The following CLDN1 variants were observed in gnomAD, a reference collection of about 807,000 sequenced individuals.
CLDN1 encodes claudin-1.
A neutral mutation model predicts 22.6 loss-of-function variants in CLDN1; 12 were observed. That is an observed-to-expected ratio of 0.53 (90% CI 0.34 to 0.86). The LOEUF is 0.86. CLDN1 is among the 40% of genes least tolerant of loss of function. The pLI is 0.02. For missense variants in CLDN1, 250 were observed against 269.5 expected, an observed-to-expected ratio of 0.93 and a Z score of 0.51; for synonymous variants, 99 against 103.8, an observed-to-expected ratio of 0.95 and a Z score of 0.28.
chr3:190,312,082 C>T (rs1248805044), intron 2 of CLDN1, among the ~76,000 whole-genome samples: 2 of 151,666 alleles, frequency 1.3e-5, no homozygotes, highest in Non-Finnish European at 1.5e-5. Flanking sequence ...AGGCGTGCAC[C>T]ACCACACCCA....
chr3:190,316,964 A>G (rs1490941849), intron 1 of CLDN1, among the ~76,000 whole-genome samples: 6 of 152,134 alleles, frequency 3.9e-5, no homozygotes, highest in Non-Finnish European at 7.4e-5. Flanking sequence ...CTTTTTGCTT[A>G]TTTTGATCTA....
At position 190,322,065 on chromosome 3, in the gene CLDN1, C is replaced by G. The variant is rs1560077292; in HGVS notation, c.142G>C (p.Glu48Gln). 2 of 1,614,106 alleles carry G rather than the reference C, an allele frequency of 1.2e-6. No homozygotes were observed. Among genetic ancestry groups the G allele is most frequent in the Admixed American group, 1.7e-5 (1 of 60,006 alleles). The change falls in exon 1 of 4, where the codon GAG (glutamate) becomes CAG (glutamine). Residue 48 changes from glutamate to glutamine, a missense_variant. By Grantham distance (29) the Glu-to-Gln change is conservative (BLOSUM62 2). Transcript: ENST00000295522. ...GACACGCAGGACATCCACAGCCCCT[C>G]GTACATGGCCTGGGCGGTCACGATG... ...DNIVTAQAMY[E>Q]GLWMSCVSQS...
chr3:190,314,653 C>G (rs1716717156), intron 1 of CLDN1, among the ~76,000 whole-genome samples: 1 of 152,030 alleles, frequency 6.6e-6, no homozygotes, highest in Non-Finnish European at 1.5e-5. Context: ...GTCTGCCCAC[C>G]TCGGCCTCCC....
chr3:190,317,195 T>G (rs1716792641), intron 1 of CLDN1, among the ~76,000 whole-genome samples: 1 of 152,184 alleles, frequency 6.6e-6, no homozygotes, highest in Non-Finnish European at 1.5e-5. Flanking sequence ...TCTCACCTCT[T>G]AAATTTGCAG....
At chr3:190,313,822 T>G (rs2108609725) in intron 1 of CLDN1, among the ~76,000 whole-genome samples, 1 of 152,328 alleles carries the variant, frequency 6.6e-6, no homozygotes, top group Non-Finnish European at 1.5e-5. Context: ...TTTGGTGTAC[T>G]AACTCATGAT....
intron 2 of CLDN1, among the ~76,000 whole-genome samples, chr3:190,310,725 G>A (rs956429490): frequency 1.3e-5 from 2 of 152,152 alleles, no homozygotes; most frequent in African/African-American, 4.8e-5. Context: ...TAGATAGAGT[G>A]AGATCAGGAC....
At position 190,308,249 on chromosome 3, in the gene CLDN1, A is replaced by T; in HGVS notation, c.*28T>A. The T allele has an allele frequency of 6.2e-7, 1 of 1,613,234 alleles. No individual in the cohort carries two copies. The highest frequency in any genetic ancestry group is 8.5e-7 in the Non-Finnish European group (1 of 1,179,376). ...TCAATGTCCATTTTCGGTTTGTTTC[A>T]ACATGATTTTCTCCTTTTGCCTCTG... On this transcript the variant is annotated 3_prime_UTR_variant, in exon 4 of 4. Coordinates refer to ENST00000295522, the MANE Select transcript of CLDN1 (RefSeq NM_021101.5).
At chr3:190,310,695 T>A (rs530135009) in intron 2 of CLDN1, among the ~76,000 whole-genome samples, 1 of 152,144 alleles carries the variant, frequency 6.6e-6, no homozygotes, top group Non-Finnish European at 1.5e-5. Context: ...TTCTGCAGAG[T>A]CAAAAGGAAT....
chr3:190,313,172 G>T, intron 1 of CLDN1, 136 bp from the exon 2 acceptor site: 1 of 943,560 alleles, frequency 1.1e-6, no homozygotes, highest in Non-Finnish European at 1.6e-6. Flanking sequence ...CAGTCATACT[G>T]ATGTTTCCGC....
At chr3:190,311,081 T>C (rs1038200898) in intron 2 of CLDN1, among the ~76,000 whole-genome samples, 2 of 152,198 alleles carry the variant, frequency 1.3e-5, no homozygotes, top group African/African-American at 2.4e-5. Context: ...TCCAATGTAA[T>C]TGCCTCTAGA....
Position 190,312,885 on chromosome 3 carries a change from T to C in CLDN1, c.375A>G (p.Ile125Met). 6.2e-7 allele frequency: 1 copy of C among 1,614,048 alleles called. No individual in the cohort carries two copies. Among genetic ancestry groups the C allele is most frequent in the Non-Finnish European group, 8.5e-7 (1 of 1,179,978 alleles). Residue 125 changes from isoleucine to methionine, a missense_variant, in exon 2 of 4, where the codon ATA becomes ATG. Ile to Met is a conservative substitution (Grantham distance 10, BLOSUM62 1). Coordinates refer to ENST00000295522, the MANE Select transcript of CLDN1 (RefSeq NM_021101.5). ...AGCCTCTATTACCTGCAAGAAGAAATATCGCACCCCCAATGACAGCCATCC... is the reference window on the plus strand; with the variant it reads ...AGCCTCTATTACCTGCAAGAAGAAACATCGCACCCCCAATGACAGCCATCC... ...KMRMAVIGGA[I>M]FLLAGLAILV...
At chr3:190,321,459 TTAGA>T (rs1226545900) in intron 1 of CLDN1, among the ~76,000 whole-genome samples, 1 of 152,208 alleles carries the variant, frequency 6.6e-6, no homozygotes, top group Non-Finnish European at 1.5e-5. Context: ...CAGAAGACAC[TTAGA>T]TAGGACATTT....
chr3:190,313,543 T>C (rs1047312886), intron 1 of CLDN1, among the ~76,000 whole-genome samples: 1 of 152,152 alleles, frequency 6.6e-6, no homozygotes, highest in Non-Finnish European at 1.5e-5. Context: ...AAAAAATAAA[T>C]GTTTTATAGA....
At chr3:190,317,239 T>C (rs948394727) in intron 1 of CLDN1, among the ~76,000 whole-genome samples, 1 of 152,180 alleles carries the variant, frequency 6.6e-6, no homozygotes, top group African/African-American at 2.4e-5. Context: ...CTGACTAAAG[T>C]TGTCTATGGA....
At chr3:190,308,470 C>T in intron 3 of CLDN1, 31 bp from the exon 4 acceptor site, 1 of 1,609,826 alleles carries the variant, frequency 6.2e-7, no homozygotes, top group Non-Finnish European at 8.5e-7. Flanking sequence ...GCTTGTTAAT[C>T]AGTGAATTAT....
rs9847792 is a variant in CLDN1, at chr3:190,308,707, A to G, written c.474-268T>C. Among the ~76,000 whole-genome samples the G allele has an allele frequency of 0.046, 7,004 of 152,234 alleles. 536 individuals are homozygous for G. The highest frequency in any genetic ancestry group is 0.16 in the African/African-American group (6,618 of 41,494). On this transcript the variant is annotated intron_variant, in intron 3 of 3. Coordinates refer to ENST00000295522, the MANE Select transcript of CLDN1 (RefSeq NM_021101.5). ...AATAATTCCAAGGACTTTTCCATAT[A>G]TAGGATACTTGTAAAGCATGTTTAT...
chr3:190,320,094 CT>C (rs149311405), intron 1 of CLDN1, among the ~76,000 whole-genome samples: 6,153 of 152,144 alleles, frequency 0.04, 144 homozygotes, highest in South Asian at 0.081. Flanking sequence ...GTATTTAGTC[CT>C]TTCACCCTAG....
In CLDN1 at chr3:190,312,891, A is replaced by C. The variant is rs9869263; in HGVS notation, c.369T>G (p.Gly123=). ...VQKMRMAVIG[G]AIFLLAGLAI... is the part of the protein sequence containing the mutation. ...TATTACCTGCAAGAAGAAATATCGC[A>C]CCCCCAATGACAGCCATCCTCATCT... The change falls in exon 2 of 4, where the codon GGT becomes GGG. Residue 123 remains glycine, a synonymous_variant. Coordinates refer to ENST00000295522, the MANE Select transcript of CLDN1 (RefSeq NM_021101.5). The C allele has an allele frequency of 5.6e-6, 9 of 1,613,832 alleles. No individual in the cohort carries two copies. Among genetic ancestry groups the C allele is most frequent in the Non-Finnish European group, 7.6e-6 (9 of 1,179,988 alleles).
intron 2 of CLDN1, among the ~76,000 whole-genome samples, chr3:190,310,591 T>G (rs1403604): frequency 0.063 from 9,537 of 152,304 alleles, 387 homozygotes; most frequent in Middle Eastern, 0.11. Context: ...CTACATTTGA[T>G]AAAACTATTG....
Sources: allele counts gnomAD v4.1 joint callset (sites outside exome capture counted in the v4.1 genomes callset), GRCh38; gene constraint gnomAD v4.1.1; transcripts MANE v1.5; gene names NCBI Gene and HGNC (gene_info 2026-07-23, HGNC 2026-07-21).